Variants in EVI5 observed in about 807,000 individuals in gnomAD.
EVI5 encodes ecotropic viral integration site 5.
In EVI5, 73 loss-of-function variants were observed where a neutral mutation model predicts 112.0. The observed-to-expected ratio is 0.65, with a 90% CI of 0.54 to 0.79. EVI5 has a LOEUF of 0.79. EVI5 is among the 30% of genes least tolerant of loss of function. EVI5 has a pLI of 0.00. For missense variants in EVI5, 900 were observed against 968.8 expected (o/e 0.93, Z 0.94); for synonymous variants, 305 against 319.9 (o/e 0.95, Z 0.50).
intron 13 of EVI5, among the ~76,000 whole-genome samples, chr1:92,642,440 A>G (rs1306137976): frequency 1.3e-5 from 2 of 152,210 alleles, no homozygotes; most frequent in African/African-American, 4.8e-5. Flanking sequence ...AAGTTAAAGA[A>G]TTTACCAAAT....
intron 18 of EVI5, among the ~76,000 whole-genome samples, chr1:92,568,287 G>T (rs1246606135): frequency 6.6e-6 from 1 of 151,084 alleles, no homozygotes; most frequent in Non-Finnish European, 1.5e-5. Flanking sequence ...AAGGCGGGCG[G>T]ATTGCTTGAG....
chr1:92,785,721 T>C (rs1373778411), upstream of EVI5, among the ~76,000 whole-genome samples: 1 of 152,184 alleles, frequency 6.6e-6, no homozygotes, highest in Non-Finnish European at 1.5e-5. Flanking sequence ...AGCCTATTAA[T>C]TTCTGGTCCA....
intron 11 of EVI5, among the ~76,000 whole-genome samples, chr1:92,664,310 T>C (rs1380548449): frequency 6.6e-6 from 1 of 152,184 alleles, no homozygotes; most frequent in African/African-American, 2.4e-5. Flanking sequence ...ATAGTATTTA[T>C]AGAATTCTAA....
chr1:92,680,597 T>C (rs1397948335), intron 9 of EVI5, among the ~76,000 whole-genome samples: 1 of 152,162 alleles, frequency 6.6e-6, no homozygotes, highest in Non-Finnish European at 1.5e-5. Context: ...AAGAGGTTAC[T>C]ACATAATCTC....
At chr1:92,778,809 T>G (rs1684490994) in intron 1 of EVI5, among the ~76,000 whole-genome samples, 3 of 152,208 alleles carry the variant, frequency 2.0e-5, no homozygotes, top group Non-Finnish European at 4.4e-5. Flanking sequence ...GAAGGAATTT[T>G]CTAGAATTTT....
intron 18 of EVI5, among the ~76,000 whole-genome samples, chr1:92,604,788 T>C (rs1293157074): frequency 2.0e-5 from 3 of 152,226 alleles, no homozygotes; most frequent in African/African-American, 7.2e-5. Context: ...TGTGTTGCAC[T>C]ATAACATAAT....
intron 19 of EVI5, among the ~76,000 whole-genome samples, chr1:92,533,380 C>A (rs1017798616): frequency 2.6e-5 from 4 of 152,142 alleles, no homozygotes; most frequent in African/African-American, 9.7e-5. Flanking sequence ...TTGTACCATT[C>A]CTTCTGAAAC....
At chr1:92,708,463 TAAC>T (rs925071682) in intron 2 of EVI5, among the ~76,000 whole-genome samples, 3 of 152,138 alleles carry the variant, frequency 2.0e-5, no homozygotes, top group South Asian at 2.1e-4. Context: ...AGATGACAAA[TAAC>T]AAACAGTTAA....
At chr1:92,672,396 C>T (rs1666026008) in intron 10 of EVI5, among the ~76,000 whole-genome samples, 1 of 152,154 alleles carries the variant, frequency 6.6e-6, no homozygotes, top group Admixed American at 6.5e-5. Flanking sequence ...TGCTCCTCAC[C>T]AGGCACACCC....
intron 1 of EVI5, among the ~76,000 whole-genome samples, chr1:92,763,612 C>A (rs1682200764): frequency 6.6e-6 from 1 of 151,880 alleles, no homozygotes; most frequent in African/African-American, 2.4e-5. Flanking sequence ...AAGACTCTGT[C>A]TTTAAAACTA....
intron 1 of EVI5, among the ~76,000 whole-genome samples, chr1:92,781,843 T>C (rs1684898153): frequency 6.7e-6 from 1 of 149,848 alleles, no homozygotes; most frequent in Non-Finnish European, 1.5e-5. Context: ...TAGTTCCAGC[T>C]ACTTGGGGGT....
At chr1:92,581,814 A>G (rs1222610483) in intron 18 of EVI5, among the ~76,000 whole-genome samples, 1 of 152,202 alleles carries the variant, frequency 6.6e-6, no homozygotes, top group Non-Finnish European at 1.5e-5. Flanking sequence ...CTTTACACAG[A>G]AAGTACTTAA....
chr1:92,690,306 A>T (rs56406716), intron 9 of EVI5, among the ~76,000 whole-genome samples: 3,244 of 151,816 alleles, frequency 0.021, 120 homozygotes, highest in African/African-American at 0.073. Context: ...TGCTTTTGTT[A>T]TCCTAAATGA....
At chr1:92,637,793 A>C (rs1659186893) in intron 13 of EVI5, among the ~76,000 whole-genome samples, 1 of 151,664 alleles carries the variant, frequency 6.6e-6, no homozygotes, top group East Asian at 1.9e-4. Context: ...ATTAAAAATA[A>C]CCAGATGCTT....
rs76580109 is a variant in EVI5, at chr1:92,683,053, A to T, written c.1098-5835T>A. ...GTCTAATCTAGGACCTAACTGGCAA[A>T]GGCAGTCATTATTATTAAACCAATG... On this transcript the variant is annotated intron_variant, in intron 9 of 19. Coordinates refer to ENST00000684568, the MANE Select transcript of EVI5 (RefSeq NM_001350197.2). 3.6e-4 allele frequency among the ~76,000 whole-genome samples: 55 copies of T among 152,340 alleles called. No individual in the cohort carries two copies. In the East Asian group the frequency reaches 8.3e-3, roughly 23 times the overall value.
chr1:92,658,408 G>A (rs1663392324), intron 13 of EVI5, among the ~76,000 whole-genome samples: 1 of 152,106 alleles, frequency 6.6e-6, no homozygotes, highest in African/African-American at 2.4e-5. Context: ...CCAATGTACA[G>A]AATCAGTAAC....
At chr1:92,735,377 G>C (rs1352267582) in intron 2 of EVI5, among the ~76,000 whole-genome samples, 1 of 151,770 alleles carries the variant, frequency 6.6e-6, no homozygotes, top group African/African-American at 2.4e-5. Flanking sequence ...ACAGCGACGG[G>C]GATAATGGAG....
chr1:92,735,008 TA>T (rs1422619585), intron 2 of EVI5, among the ~76,000 whole-genome samples: 1 of 152,184 alleles, frequency 6.6e-6, no homozygotes, highest in African/African-American at 2.4e-5. Context: ...GAAGAACTGG[TA>T]ATTTCATACA....
intron 1 of EVI5, among the ~76,000 whole-genome samples, chr1:92,766,808 G>A (rs986423864): frequency 4.1e-4 from 62 of 152,124 alleles, no homozygotes; most frequent in Non-Finnish European, 7.1e-4. Flanking sequence ...TCGGCCAGGC[G>A]CAGTGATTCA....
Sources: gnomAD v4.1 joint callset for allele counts (sites outside exome capture counted in the v4.1 genomes callset) on GRCh38, gnomAD v4.1.1 for gene constraint, MANE v1.5 for transcripts, NCBI Gene and HGNC (gene_info 2026-07-23, HGNC 2026-07-21) for gene names.